The following CACNA1C variants were observed in gnomAD, a reference collection of about 807,000 sequenced individuals.
The protein encoded by CACNA1C is calcium voltage-gated channel subunit alpha1 C.
Under a neutral mutation model 229.0 loss-of-function variants are expected in CACNA1C, and 30 were observed. The ratio of observed to expected loss-of-function variants is 0.13; its 90% CI spans 0.10 to 0.18. The LOEUF (loss-of-function observed/expected upper bound fraction) is 0.18. CACNA1C is among the 10% of genes least tolerant of loss of function. CACNA1C has a pLI of 1.00. For synonymous variants in CACNA1C, 1,114 were observed against 1,132.5 expected (o/e 0.98, Z 0.33); for missense variants, 1,658 against 2,845.0 (o/e 0.58, Z 9.49).
chr12:2,394,757 G>A (rs1355322077), intron 3 of CACNA1C, among the ~76,000 whole-genome samples: 1 of 152,166 alleles, frequency 6.6e-6, no homozygotes, highest in Non-Finnish European at 1.5e-5. Context: ...ATCAGGATCA[G>A]GAGCTAGAGC....
At chr12:2,433,461 A>G (rs1321394025) in intron 3 of CACNA1C, among the ~76,000 whole-genome samples, 1 of 152,198 alleles carries the variant, frequency 6.6e-6, no homozygotes, top group East Asian at 1.9e-4. Flanking sequence ...GCCTCCATTC[A>G]TCTATCCACC....
At chr12:2,306,509 A>G (rs1269146745) in intron 3 of CACNA1C, among the ~76,000 whole-genome samples, 1 of 152,208 alleles carries the variant, frequency 6.6e-6, no homozygotes, top group Non-Finnish European at 1.5e-5. Flanking sequence ...ATCCTGTAGA[A>G]TAGAAAATTA....
chr12:2,639,453 G>A lies in CACNA1C; in HGVS notation c.3912+5073G>A, dbSNP rs940620017. 1.3e-5 allele frequency among the ~76,000 whole-genome samples: 2 copies of A among 152,230 alleles called. No individual in the cohort carries two copies. Among genetic ancestry groups the A allele is most frequent in the Admixed American group, 6.5e-5 (1 of 15,292 alleles). On this transcript the variant is annotated intron_variant, in intron 30 of 46. Coordinates refer to ENST00000399655, the MANE Select transcript of CACNA1C (RefSeq NM_000719.7). The surrounding 1 kb of genome is among the most constrained non-coding windows in gnomAD (Gnocchi z 4.2). ...ATATACTGAACAATAGAAAGTGCTGGGCAGCCTGAATTCCTGCATTATGGA... is the reference window on the plus strand; with the variant it reads ...ATATACTGAACAATAGAAAGTGCTGAGCAGCCTGAATTCCTGCATTATGGA...
Position 2,633,780 on chromosome 12 carries a change from C to G in CACNA1C, c.3829-517C>G. The G allele has an allele frequency of 1.2e-6, 1 of 818,498 alleles. No homozygotes were observed. Among genetic ancestry groups the G allele is most frequent in the South Asian group, 1.5e-5 (1 of 66,622 alleles). The allele number at this position is 818,498 out of a possible 1,614,324, so 50.7% of individuals were successfully genotyped here. A position where few individuals can be genotyped will look rare whatever the true frequency, so the allele number is the denominator to read the frequency against. On this transcript the variant is annotated intron_variant, in intron 29 of 46. Coordinates refer to ENST00000399655, the MANE Select transcript of CACNA1C (RefSeq NM_000719.7). The surrounding 1 kb of genome is among the most constrained non-coding windows in gnomAD (Gnocchi z 5.8). Reference sequence around the variant, plus strand: ...CCTCCTCTGCCTCGTCTATTTCTCTCTCTCTCACTCTCTCTGTTTACCTTC... The same window carrying G: ...CCTCCTCTGCCTCGTCTATTTCTCTGTCTCTCACTCTCTCTGTTTACCTTC...
At chr12:2,648,772 G>A (rs1047027799) in intron 31 of CACNA1C, among the ~76,000 whole-genome samples, 25 of 152,178 alleles carry the variant, frequency 1.6e-4, no homozygotes, top group African/African-American at 5.8e-4. Context: ...AAGCCACTGG[G>A]AGAGAATGGG....
At chr12:2,589,674 C>T (rs1027831861) in intron 18 of CACNA1C, among the ~76,000 whole-genome samples, 4 of 151,720 alleles carry the variant, frequency 2.6e-5, no homozygotes, top group East Asian at 1.9e-4. Context: ...ACCTGATGTC[C>T]GACTCACCCT....
intron 7 of CACNA1C, among the ~76,000 whole-genome samples, chr12:2,501,102 G>T (rs957521179): frequency 2.0e-5 from 3 of 150,116 alleles, no homozygotes; most frequent in Non-Finnish European, 4.4e-5. Context: ...CCTGCTACTC[G>T]GGAGGCTGAG....
At chr12:2,652,239 G>A in intron 32 of CACNA1C, among the ~76,000 whole-genome samples, 1 of 152,176 alleles carries the variant, frequency 6.6e-6, no homozygotes, top group Non-Finnish European at 1.5e-5. Context: ...CATGTCCTCG[G>A]CCAGAGTCGC....
chr12:2,418,598 T>C (rs1247618454), intron 3 of CACNA1C, among the ~76,000 whole-genome samples: 1 of 152,064 alleles, frequency 6.6e-6, no homozygotes, highest in East Asian at 1.9e-4. Flanking sequence ...TGTGTTATGT[T>C]CCAGTTATGC....
intron 6 of CACNA1C, among the ~76,000 whole-genome samples, chr12:2,487,444 A>G (rs1043061445): frequency 2.1e-5 from 3 of 146,200 alleles, no homozygotes; most frequent in Non-Finnish European, 4.5e-5. Flanking sequence ...TGTATGATCT[A>G]GTATGACCGG....
In CACNA1C at chr12:2,493,654, G is replaced by A. The variant is rs1164877465; in HGVS notation, c.1113+268G>A. ...GTCCCACAGTGCAAAACCCTGGTGT[G>A]CAGGCATGGATGAGCTGGCCAGGCT... On this transcript the variant is annotated intron_variant, in intron 7 of 46. Coordinates refer to ENST00000399655, the MANE Select transcript of CACNA1C (RefSeq NM_000719.7). The surrounding 1 kb of genome is among the most constrained non-coding windows in gnomAD (Gnocchi z 4.6). Among the ~76,000 whole-genome samples the A allele has an allele frequency of 6.6e-6, 1 of 152,144 alleles. No homozygotes were observed. The highest frequency in any genetic ancestry group is 2.4e-5 in the African/African-American group (1 of 41,432).
At chr12:2,454,224 C>T (rs1567779806) in intron 4 of CACNA1C, among the ~76,000 whole-genome samples, 2 of 152,246 alleles carry the variant, frequency 1.3e-5, no homozygotes, top group Non-Finnish European at 2.9e-5. Flanking sequence ...CTCACTTCTC[C>T]ACCTTCCTGC....
intron 3 of CACNA1C, among the ~76,000 whole-genome samples, chr12:2,166,907 C>T (rs367789285): frequency 1.1e-4 from 17 of 152,268 alleles, no homozygotes; most frequent in East Asian, 9.7e-4. Context: ...GCAGTGCCTG[C>T]GCCCTCCTTG....
At chr12:2,406,936 G>C (rs2098744128) in intron 3 of CACNA1C, among the ~76,000 whole-genome samples, 1 of 152,222 alleles carries the variant, frequency 6.6e-6, no homozygotes, top group Non-Finnish European at 1.5e-5. Context: ...CAGCAGGGAG[G>C]AGGGATGCCA....
At chr12:2,412,920 A>G (rs1283866406) in intron 3 of CACNA1C, among the ~76,000 whole-genome samples, 7 of 152,246 alleles carry the variant, frequency 4.6e-5, no homozygotes, top group Non-Finnish European at 1.0e-4. Context: ...ACTCTGTCCA[A>G]GCCTAACAAT....
intron 3 of CACNA1C, among the ~76,000 whole-genome samples, chr12:2,377,800 G>A (rs938668836): frequency 6.6e-5 from 10 of 152,190 alleles, no homozygotes; most frequent in Non-Finnish European, 1.5e-4. Context: ...AAGTGAGTCC[G>A]CCTGGCTCCT....
chr12:2,155,189 G>C (rs539148652), intron 3 of CACNA1C, among the ~76,000 whole-genome samples: 29 of 152,286 alleles, frequency 1.9e-4, no homozygotes, highest in African/African-American at 7.0e-4. Context: ...CGTGGAGAAC[G>C]TGGAGCGTGA....
chr12:2,150,928 CT>C (rs2095195703), intron 3 of CACNA1C, among the ~76,000 whole-genome samples: 1 of 152,204 alleles, frequency 6.6e-6, no homozygotes, highest in Non-Finnish European at 1.5e-5. Flanking sequence ...AACGCCACTT[CT>C]GGGCAGGTGC....
intron 9 of CACNA1C, among the ~76,000 whole-genome samples, chr12:2,542,264 G>A (rs780441728): frequency 2.0e-5 from 3 of 152,170 alleles, no homozygotes; most frequent in Non-Finnish European, 4.4e-5. Flanking sequence ...TGGCCTCATG[G>A]TGGCTAAATG....
Sources: allele counts gnomAD v4.1 joint callset (sites outside exome capture counted in the v4.1 genomes callset), GRCh38; gene constraint gnomAD v4.1.1; non-coding constraint Gnocchi (gnomAD v3.1); transcripts MANE v1.5; gene names NCBI Gene and HGNC (gene_info 2026-07-23, HGNC 2026-07-21).